RASEF: variants seen among roughly 807,000 people sequenced by gnomAD.
RASEF encodes the protein RAS and EF-hand domain containing.
RASEF carries 68 observed loss-of-function variants against 90.1 expected under a neutral mutation model. The ratio of observed to expected loss-of-function variants is 0.75; its 90% CI spans 0.62 to 0.92. RASEF has a LOEUF of 0.92. Among genes scored for constraint, RASEF ranks in the 40% least tolerant of loss-of-function variants. The probability of loss-of-function intolerance (pLI) is 0.00; values close to 1 mark genes in which losing one functional copy is unlikely to be tolerated. For synonymous variants in RASEF, 331 were observed against 345.2 expected (o/e 0.96, Z 0.46); for missense variants, 949 against 937.2 (o/e 1.01, Z -0.16).
intron 16 of RASEF, among the ~76,000 whole-genome samples, chr9:82,983,544 C>T (rs1200471405): frequency 6.6e-6 from 1 of 152,122 alleles, no homozygotes; most frequent in Admixed American, 6.5e-5. Context: ...TCTCTGCCAG[C>T]GAGATGAGTG....
At chr9:83,046,503 C>T (rs544273370) in intron 1 of RASEF, among the ~76,000 whole-genome samples, 1 of 152,084 alleles carries the variant, frequency 6.6e-6, no homozygotes, top group Non-Finnish European at 1.5e-5. Flanking sequence ...CCAAGCAAAC[C>T]ATATCTGCCA....
the RASEF span, among the ~76,000 whole-genome samples, chr9:83,089,733 A>G: frequency 6.6e-6 from 1 of 152,040 alleles, no homozygotes; most frequent in Admixed American, 6.6e-5. Flanking sequence ...GTTGATTGCA[A>G]TTTCTCTATG....
the RASEF span, among the ~76,000 whole-genome samples, chr9:83,149,849 C>T: frequency 4.6e-5 from 7 of 152,160 alleles, no homozygotes; most frequent in Non-Finnish European, 1.0e-4. Flanking sequence ...GATTCTATAC[C>T]AATGACCAAT....
At position 82,998,394 on chromosome 9, in the gene RASEF, C is replaced by T. The variant is rs1391131472; in HGVS notation, c.1776G>A (p.Leu592=). 5.6e-6 allele frequency: 9 copies of T among 1,613,206 alleles called. No individual in the cohort carries two copies. The highest frequency in any genetic ancestry group is 8.5e-7 in the Non-Finnish European group (1 of 1,179,238). Residue 592 remains leucine, a synonymous_variant, in exon 13 of 17, where the codon CTG becomes CTA. Transcript: ENST00000376447. ...CCTGACCAGCTGTATCCCAGAGCTGCAGAACTGTTCGTTCTCCATCCACAA... is the reference window on the plus strand; with the variant it reads ...CCTGACCAGCTGTATCCCAGAGCTGTAGAACTGTTCGTTCTCCATCCACAA... ...TLIVDGERTV[L]QLWDTAGQER...
chr9:83,112,003 A>C, the RASEF span, among the ~76,000 whole-genome samples: 1 of 152,046 alleles, frequency 6.6e-6, no homozygotes, highest in African/African-American at 2.4e-5. Flanking sequence ...ATGTATTTGA[A>C]GAGTAGAGGC....
intron 1 of RASEF, among the ~76,000 whole-genome samples, chr9:83,040,840 C>G (rs894476078): frequency 6.6e-6 from 1 of 151,994 alleles, no homozygotes; most frequent in African/African-American, 2.4e-5. Context: ...ACACAACCTG[C>G]TTTGGCCTTT....
chr9:83,087,383 C>T, the RASEF span, among the ~76,000 whole-genome samples: 1 of 147,416 alleles, frequency 6.8e-6, no homozygotes, highest in Non-Finnish European at 1.5e-5. Context: ...AGAGAATTTG[C>T]TCATACAAAT....
the RASEF span, among the ~76,000 whole-genome samples, chr9:83,120,336 G>A: frequency 6.6e-6 from 1 of 152,090 alleles, no homozygotes; most frequent in Non-Finnish European, 1.5e-5. Context: ...CTCATCCCAT[G>A]GAGCTCATTG....
At chr9:83,189,625 A>T in the RASEF span, among the ~76,000 whole-genome samples, 2 of 152,298 alleles carry the variant, frequency 1.3e-5, no homozygotes, top group South Asian at 2.1e-4. Context: ...ACTAACAAAA[A>T]TTGATTATAT....
chr9:83,192,740 G>T, the RASEF span, among the ~76,000 whole-genome samples: 4 of 148,556 alleles, frequency 2.7e-5, no homozygotes, highest in African/African-American at 5.0e-5. Flanking sequence ...CCATTAAAAT[G>T]CTACCTTCAC....
chr9:82,990,315 T>C, intron 16 of RASEF, 76 bp downstream of exon 16: 1 of 955,326 alleles, frequency 1.0e-6, no homozygotes, highest in African/African-American at 1.6e-5. Flanking sequence ...ATATTCTATC[T>C]GCACATTATG....
chr9:83,143,209 A>G, the RASEF span, among the ~76,000 whole-genome samples: 1 of 152,214 alleles, frequency 6.6e-6, no homozygotes, highest in South Asian at 2.1e-4. Flanking sequence ...CACAATTGCA[A>G]CAAAAACAAA....
chr9:83,081,458 A>G, the RASEF span, among the ~76,000 whole-genome samples: 1 of 152,154 alleles, frequency 6.6e-6, no homozygotes, highest in Non-Finnish European at 1.5e-5. Flanking sequence ...GAAAAATAGT[A>G]TAAAAACCTC....
intron 1 of RASEF, among the ~76,000 whole-genome samples, chr9:83,052,335 G>T (rs1353857459): frequency 2.2e-5 from 3 of 133,412 alleles, no homozygotes; most frequent in African/African-American, 3.2e-5. Flanking sequence ...TTTGCGTAGA[G>T]GTGTTTGTAG....
chr9:83,188,218 T>C, the RASEF span, among the ~76,000 whole-genome samples: 2 of 152,172 alleles, frequency 1.3e-5, no homozygotes, highest in Admixed American at 6.5e-5. Context: ...GTTAGGTGGA[T>C]TGATGAACAA....
chr9:83,057,018 C>A (rs1830114349), intron 1 of RASEF, among the ~76,000 whole-genome samples: 1 of 152,080 alleles, frequency 6.6e-6, no homozygotes, highest in African/African-American at 2.4e-5. Context: ...ATATCAGAAC[C>A]AGAAGTGGCC....
chr9:83,164,843 T>G, the RASEF span, among the ~76,000 whole-genome samples: 1,390 of 151,864 alleles, frequency 9.2e-3, 12 homozygotes, highest in Non-Finnish European at 0.016. Context: ...TCAAAGGAAG[T>G]TGGAGTAGCT....
chr9:83,138,039 T>C, the RASEF span, among the ~76,000 whole-genome samples: 11 of 151,826 alleles, frequency 7.2e-5, no homozygotes, highest in Non-Finnish European at 1.5e-4. Context: ...AAATACTAGA[T>C]ACTAAGAGAA....
At position 83,000,303 on chromosome 9, in the gene RASEF, T is replaced by C. The variant is rs1178478640; in HGVS notation, c.1589A>G (p.Asp530Gly). The change falls in exon 12 of 17, where the codon GAT becomes GGT. Residue 530 changes from aspartate to glycine, a missense_variant. Physicochemically the swap from Asp to Gly is moderately conservative, Grantham distance 94. Transcript: ENST00000376447. ...SALSPQTDLV[D>G]DNAKSFSSQK... The stretch of plus-strand genomic sequence containing the variant: ...TGAGCTAAAAGATTTAGCGTTGTCA[T>C]CTACCAGGTCTGTCTGGGGGGAAAA... The C allele has an allele frequency of 1.9e-6, 3 of 1,613,486 alleles. No homozygotes were observed. In the African/African-American group the frequency reaches 4.0e-5, roughly 22 times the overall value.
Sources: gnomAD v4.1 joint callset for allele counts (sites outside exome capture counted in the v4.1 genomes callset) on GRCh38, gnomAD v4.1.1 for gene constraint, MANE v1.5 for transcripts, NCBI Gene and HGNC (gene_info 2026-07-23, HGNC 2026-07-21) for gene names.